Variants in HS6ST3 observed in about 807,000 individuals in gnomAD.
The protein encoded by HS6ST3 is heparan-sulfate 6-O-sulfotransferase 3.
HS6ST3 carries 12 observed loss-of-function variants against 36.7 expected under a neutral mutation model. The ratio of observed to expected loss-of-function variants is 0.33; its 90% CI spans 0.21 to 0.53. The LOEUF is 0.53. HS6ST3 is among the 20% of genes least tolerant of loss of function. The probability of loss-of-function intolerance (pLI) is 0.95; values close to 1 mark genes in which losing one functional copy is unlikely to be tolerated. For synonymous variants in HS6ST3, 240 were observed against 257.5 expected, an observed-to-expected ratio of 0.93 and a Z score of 0.65; for missense variants, 584 against 640.9, an observed-to-expected ratio of 0.91 and a Z score of 0.96.
intron 1 of HS6ST3, among the ~76,000 whole-genome samples, chr13:96,770,276 T>C (rs1007854214): frequency 2.0e-5 from 3 of 152,218 alleles, no homozygotes; most frequent in Admixed American, 1.3e-4. Context: ...GGAGCTCCTA[T>C]GGATGAATTT....
At chr13:96,701,821 G>A (rs1400625136) in intron 1 of HS6ST3, among the ~76,000 whole-genome samples, 2 of 152,034 alleles carry the variant, frequency 1.3e-5, no homozygotes, top group East Asian at 1.9e-4. Flanking sequence ...AATTAGCCAG[G>A]CATGGAGGCG....
At chr13:96,382,908 T>C (rs1420614058) in intron 1 of HS6ST3, among the ~76,000 whole-genome samples, 1 of 152,238 alleles carries the variant, frequency 6.6e-6, no homozygotes, top group African/African-American at 2.4e-5. Flanking sequence ...TAGCAGTGAA[T>C]ACTTATATCA....
At chr13:96,156,063 A>G (rs987013453) in intron 1 of HS6ST3, among the ~76,000 whole-genome samples, 4 of 152,230 alleles carry the variant, frequency 2.6e-5, no homozygotes, top group African/African-American at 7.2e-5. Flanking sequence ...CTAACAATCT[A>G]TAAAATACCT....
chr13:96,366,542 C>A (rs1252343444), intron 1 of HS6ST3, among the ~76,000 whole-genome samples: 1 of 152,092 alleles, frequency 6.6e-6, no homozygotes, highest in Non-Finnish European at 1.5e-5. Context: ...AGAAATCTTT[C>A]TTTAGTGAGT....
At chr13:96,709,186 G>A (rs943826359) in intron 1 of HS6ST3, among the ~76,000 whole-genome samples, 1 of 152,138 alleles carries the variant, frequency 6.6e-6, no homozygotes, top group Non-Finnish European at 1.5e-5. Flanking sequence ...CTGCCTCCTT[G>A]TGAAGAAGGT....
chr13:96,591,071 A>G (rs557261434), intron 1 of HS6ST3, among the ~76,000 whole-genome samples: 1 of 150,064 alleles, frequency 6.7e-6, no homozygotes, highest in East Asian at 1.9e-4. Context: ...TTTTTTTGCC[A>G]GTACCATGCC....
At chr13:96,163,222 ATTTTTTTTTTTT>A (rs147731415) in intron 1 of HS6ST3, among the ~76,000 whole-genome samples, 5 of 79,058 alleles carry the variant, frequency 6.3e-5, no homozygotes, top group African/African-American at 1.2e-4. Context: ...TCTGAGATAC[ATTTTTTTTTTTT>A]TTTTTTTTTT....
At chr13:96,514,741 G>A (rs1231850647) in intron 1 of HS6ST3, among the ~76,000 whole-genome samples, 9 of 152,152 alleles carry the variant, frequency 5.9e-5, no homozygotes, top group Admixed American at 5.9e-4. Context: ...TATTTGTTAT[G>A]GCAGCTTGAG....
rs138246072 is a variant in HS6ST3 at position 96,767,630 on chromosome 13, A to T, written c.708-64860A>T. Among the ~76,000 whole-genome samples, 107 of 152,330 alleles carry T rather than the reference A, an allele frequency of 7.0e-4. 2 individuals are homozygous for T. The highest frequency in any genetic ancestry group is 2.5e-3 in the African/African-American group (102 of 41,578). On this transcript the variant is annotated intron_variant, in intron 1 of 1. Coordinates refer to ENST00000376705, the MANE Select transcript of HS6ST3 (RefSeq NM_153456.4). ...TTGTGGATGCTGTGGCAAATACAGA[A>T]TTTGACAACATTTCTGTTCATTGGA...
intron 1 of HS6ST3, among the ~76,000 whole-genome samples, chr13:96,665,227 G>C (rs1165640224): frequency 1.3e-5 from 2 of 152,054 alleles, no homozygotes; most frequent in Admixed American, 1.3e-4. Context: ...CCAACCCAAA[G>C]CTTCTTCATT....
intron 1 of HS6ST3, among the ~76,000 whole-genome samples, chr13:96,135,400 T>A (rs2053996843): frequency 6.6e-6 from 1 of 152,204 alleles, no homozygotes; most frequent in Admixed American, 6.5e-5. Flanking sequence ...AGACATATAC[T>A]TTAAAAATAG....
At chr13:96,630,442 C>G (rs1395486958) in intron 1 of HS6ST3, among the ~76,000 whole-genome samples, 1 of 152,118 alleles carries the variant, frequency 6.6e-6, no homozygotes, top group African/African-American at 2.4e-5. Flanking sequence ...CCTTATTCCC[C>G]ACAGTGATGA....
At chr13:96,754,108 T>G (rs1651745228) in intron 1 of HS6ST3, among the ~76,000 whole-genome samples, 1 of 152,180 alleles carries the variant, frequency 6.6e-6, no homozygotes, top group South Asian at 2.1e-4. Flanking sequence ...CGTGAGCCAC[T>G]GCACCCGGCA....
At chr13:96,392,423 G>C (rs2055400342) in intron 1 of HS6ST3, among the ~76,000 whole-genome samples, 1 of 152,118 alleles carries the variant, frequency 6.6e-6, no homozygotes, top group African/African-American at 2.4e-5. Context: ...ACTGGGGTGG[G>C]GTAATTAGCC....
intron 1 of HS6ST3, among the ~76,000 whole-genome samples, chr13:96,140,086 A>G (rs1056733178): frequency 2.6e-5 from 4 of 152,216 alleles, no homozygotes; most frequent in Admixed American, 2.0e-4. Context: ...TATATAAAAT[A>G]CAGATAGATA....
At chr13:96,432,098 TC>T (rs2055618507) in intron 1 of HS6ST3, among the ~76,000 whole-genome samples, 1 of 152,182 alleles carries the variant, frequency 6.6e-6, no homozygotes, top group Non-Finnish European at 1.5e-5. Context: ...AATGGAAACT[TC>T]CATTTCTTTT....
chr13:96,159,401 C>T (rs2063401797), intron 1 of HS6ST3, among the ~76,000 whole-genome samples: 1 of 152,074 alleles, frequency 6.6e-6, no homozygotes, highest in Admixed American at 6.6e-5. Context: ...GATACTGTAC[C>T]AGTAAACCAT....
intron 1 of HS6ST3, among the ~76,000 whole-genome samples, chr13:96,098,060 C>CT (rs1302608474): frequency 1.3e-5 from 2 of 152,134 alleles, no homozygotes; most frequent in African/African-American, 4.8e-5. Flanking sequence ...AATATGGAGA[C>CT]CAGAGCTTAT....
At chr13:96,501,429 A>C (rs1011104225) in intron 1 of HS6ST3, among the ~76,000 whole-genome samples, 97 of 152,338 alleles carry the variant, frequency 6.4e-4, no homozygotes, top group African/African-American at 2.1e-3. Flanking sequence ...CTGTGTTCAA[A>C]TTCTGGCTCA....
Sources: gnomAD v4.1 joint callset for allele counts (sites outside exome capture counted in the v4.1 genomes callset) on GRCh38, gnomAD v4.1.1 for gene constraint, MANE v1.5 for transcripts, NCBI Gene and HGNC (gene_info 2026-07-23, HGNC 2026-07-21) for gene names.